Variants in RUNX2 observed in about 807,000 individuals in gnomAD.
RUNX2 encodes RUNX family transcription factor 2, also known as runt-related transcription factor 2.
A neutral mutation model predicts 51.7 loss-of-function variants in RUNX2; 10 were observed. The ratio of observed to expected loss-of-function variants is 0.19; its 90% CI spans 0.12 to 0.33. The LOEUF (loss-of-function observed/expected upper bound fraction) is 0.33. Ranked by LOEUF, RUNX2 falls within the 10% of genes least tolerant of loss-of-function variation. RUNX2 has a pLI of 1.00. For missense variants in RUNX2, 562 were observed against 691.3 expected (o/e 0.81, Z 2.10); for synonymous variants, 276 against 273.6 (o/e 1.01, Z -0.09).
intron 7 of RUNX2, among the ~76,000 whole-genome samples, chr6:45,516,626 A>C (rs188491247): frequency 2.6e-5 from 4 of 152,340 alleles, no homozygotes; most frequent in Admixed American, 1.3e-4. Context: ...CAGTACACAG[A>C]GGTGGCCAAA....
chr6:45,507,970 G>A (rs1801023564), intron 6 of RUNX2, among the ~76,000 whole-genome samples: 1 of 152,050 alleles, frequency 6.6e-6, no homozygotes, highest in Non-Finnish European at 1.5e-5. Context: ...ACTTTATGAA[G>A]GAGATATTCT....
intron 7 of RUNX2, among the ~76,000 whole-genome samples, chr6:45,514,769 G>C (rs1025635768): frequency 6.6e-6 from 1 of 152,074 alleles, no homozygotes; most frequent in African/African-American, 2.4e-5. Context: ...ATTCCCTGGG[G>C]ACTAGTCCTG....
intron 2 of RUNX2, among the ~76,000 whole-genome samples, chr6:45,337,041 T>C (rs945421136): frequency 6.6e-6 from 1 of 151,606 alleles, no homozygotes; most frequent in Non-Finnish European, 1.5e-5. Flanking sequence ...TGCAAGCAAA[T>C]GCATAAAACT....
At chr6:45,371,724 A>G (rs1796096533) in intron 2 of RUNX2, among the ~76,000 whole-genome samples, 1 of 152,226 alleles carries the variant, frequency 6.6e-6, no homozygotes, top group Admixed American at 6.5e-5. Context: ...TTAAACACTC[A>G]GTTAAGAAAT....
intron 2 of RUNX2, among the ~76,000 whole-genome samples, chr6:45,389,368 C>T (rs1367000904): frequency 6.6e-6 from 1 of 152,178 alleles, no homozygotes; most frequent in Non-Finnish European, 1.5e-5. Context: ...AACAATGAAA[C>T]AGCCAACAGA....
At chr6:45,467,586 T>A (rs1191230486) in intron 5 of RUNX2, among the ~76,000 whole-genome samples, 4 of 152,124 alleles carry the variant, frequency 2.6e-5, no homozygotes, top group Non-Finnish European at 5.9e-5. Flanking sequence ...CAGGCCTGCT[T>A]TATCTTTTAG....
intron 5 of RUNX2, among the ~76,000 whole-genome samples, chr6:45,467,098 C>CCTT: frequency 6.6e-6 from 1 of 152,202 alleles, no homozygotes; most frequent in East Asian, 1.9e-4. Flanking sequence ...GGTTGCTTAG[C>CCTT]CATGGTCCAT....
At chr6:45,462,265 G>T (rs566053905) in intron 5 of RUNX2, among the ~76,000 whole-genome samples, 1 of 152,262 alleles carries the variant, frequency 6.6e-6, no homozygotes, top group South Asian at 2.1e-4. Flanking sequence ...GTGCTGCTTG[G>T]ATCCTTTCCA....
chr6:45,390,888 T>G (rs1179766995), intron 2 of RUNX2, among the ~76,000 whole-genome samples: 2 of 152,200 alleles, frequency 1.3e-5, no homozygotes, highest in Admixed American at 1.3e-4. Flanking sequence ...TCAAAATTAC[T>G]CTGAAACATA....
chr6:45,385,761 A>G (rs554740321), intron 2 of RUNX2, among the ~76,000 whole-genome samples: 1 of 152,248 alleles, frequency 6.6e-6, no homozygotes, highest in South Asian at 2.1e-4. Flanking sequence ...TCAGCTGGGC[A>G]TGGTTGTGCA....
chr6:45,508,386 G>A (rs1262425855), intron 6 of RUNX2, among the ~76,000 whole-genome samples: 1 of 151,848 alleles, frequency 6.6e-6, no homozygotes, highest in African/African-American at 2.4e-5. Flanking sequence ...GTGCCACCAC[G>A]CCCAGCTAAT....
intron 2 of RUNX2, chr6:45,371,796 GC>G: frequency 6.1e-6 from 6 of 978,674 alleles, no homozygotes; most frequent in South Asian, 4.7e-5. Context: ...AAACATATAT[GC>G]AAATTGGTGG....
chr6:45,436,671 A>C (rs181834355), intron 4 of RUNX2, among the ~76,000 whole-genome samples: 2 of 152,328 alleles, frequency 1.3e-5, no homozygotes, highest in Admixed American at 6.5e-5. Flanking sequence ...TACATGGTCT[A>C]GGTTGAAAAG....
intron 3 of RUNX2, among the ~76,000 whole-genome samples, chr6:45,423,510 C>A (rs1045120215): frequency 3.3e-5 from 5 of 152,192 alleles, no homozygotes; most frequent in Non-Finnish European, 5.9e-5. Context: ...TCGGCGTCCC[C>A]TTCCCCGACC....
At chr6:45,329,466 G>A (rs1787017368) in intron 2 of RUNX2, among the ~76,000 whole-genome samples, 1 of 151,870 alleles carries the variant, frequency 6.6e-6, no homozygotes, top group Non-Finnish European at 1.5e-5. Context: ...GTTCATGGAA[G>A]TATTTTAAAA....
intron 2 of RUNX2, among the ~76,000 whole-genome samples, chr6:45,416,073 G>C (rs907757379): frequency 6.6e-5 from 10 of 152,184 alleles, no homozygotes; most frequent in African/African-American, 2.4e-4. Flanking sequence ...GTTTAGAAAA[G>C]CATGGGGAAA....
chr6:45,439,461 C>G (rs75021052), intron 5 of RUNX2, among the ~76,000 whole-genome samples: 9 of 152,130 alleles, frequency 5.9e-5, no homozygotes, highest in Non-Finnish European at 1.0e-4. Flanking sequence ...GGGGATGATG[C>G]CTTATGATGG....
At chr6:45,484,120 G>C (rs1326767403) in intron 5 of RUNX2, among the ~76,000 whole-genome samples, 1 of 152,094 alleles carries the variant, frequency 6.6e-6, no homozygotes, top group Non-Finnish European at 1.5e-5. Flanking sequence ...AGACCAACAG[G>C]GTTCCATTTT....
chr6:45,426,495 G>T (rs1486182092), intron 3 of RUNX2, among the ~76,000 whole-genome samples: 2 of 152,216 alleles, frequency 1.3e-5, no homozygotes, highest in East Asian at 3.8e-4. Flanking sequence ...TTTCCACTGT[G>T]AAGCCTGGTG....
Sources: gnomAD v4.1 joint callset for allele counts (sites outside exome capture counted in the v4.1 genomes callset) on GRCh38, gnomAD v4.1.1 for gene constraint, MANE v1.5 for transcripts, NCBI Gene and HGNC (gene_info 2026-07-23, HGNC 2026-07-21) for gene names.